Variants in FRYL observed in about 807,000 individuals in gnomAD.
The protein encoded by FRYL is protein furry homolog-like.
Under a neutral mutation model 351.2 loss-of-function variants are expected in FRYL, and 150 were observed. That is an observed-to-expected ratio of 0.43 (90% CI 0.37 to 0.49). FRYL has a LOEUF of 0.49. Ranked by LOEUF, FRYL falls within the 20% of genes least tolerant of loss-of-function variation. The pLI, the probability that FRYL is intolerant of heterozygous loss-of-function variation, is 0.00. For synonymous variants in FRYL, 1,153 were observed against 1,257.1 expected, an observed-to-expected ratio of 0.92 and a Z score of 1.75; for missense variants, 3,036 against 3,619.3, an observed-to-expected ratio of 0.84 and a Z score of 4.13.
At chr4:48,757,816 T>C (rs1773956112) in intron 1 of FRYL, among the ~76,000 whole-genome samples, 2 of 152,128 alleles carry the variant, frequency 1.3e-5, no homozygotes, top group African/African-American at 2.4e-5. Flanking sequence ...GGAGGCATCA[T>C]GCTACCTGAT....
chr4:48,678,463 CGCGCCCCTG>C lies in FRYL; in HGVS notation c.-81+6201_-81+6209del, dbSNP rs1309044402. Among the ~76,000 whole-genome samples, 9 of 141,394 alleles carry C rather than the reference CGCGCCCCTG, an allele frequency of 6.4e-5. No individual in the cohort carries two copies. The East Asian group carries it at 1.9e-3, about 30-fold the overall frequency. 92.8% of individuals were successfully genotyped at this position (141,394 alleles called of 152,430 possible). Reference sequence around the variant, plus strand: ...GGCGGAGGTTGCAGTGAGCCAAGATCGCGCCCCTGCACTCCAGCCTGGCGACAGAGCAAA... The same window carrying C: ...GGCGGAGGTTGCAGTGAGCCAAGATCCACTCCAGCCTGGCGACAGAGCAAA... On this transcript the variant is annotated intron_variant, in intron 3 of 63. Coordinates refer to ENST00000358350, the MANE Select transcript of FRYL (RefSeq NM_015030.2).
chr4:48,542,227 C>T lies in FRYL; in HGVS notation c.5593-106G>A, dbSNP rs909929359. On this transcript the variant is annotated intron_variant, in intron 44 of 63. Transcript: ENST00000358350. ...ATAGAACAAACTCCATGTTATGTTA[C>T]AAAATGATTAAACTCTTGAGCAACA... The T allele has an allele frequency of 5.7e-5, 44 of 766,820 alleles. No individual in the cohort carries two copies. The Admixed American group carries it at 7.0e-4, about 12-fold the overall frequency. 47.5% of individuals were successfully genotyped at this position (766,820 alleles called of 1,614,324 possible).
intron 4 of FRYL, among the ~76,000 whole-genome samples, chr4:48,629,411 C>A (rs979611055): frequency 1.3e-5 from 2 of 152,150 alleles, no homozygotes; most frequent in Non-Finnish European, 2.9e-5. Flanking sequence ...TCTCACCAAA[C>A]AACGGTGACT....
At chr4:48,695,881 C>T (rs1011047696) in intron 2 of FRYL, among the ~76,000 whole-genome samples, 8 of 152,174 alleles carry the variant, frequency 5.3e-5, no homozygotes, top group African/African-American at 1.7e-4. Context: ...TAAATAGACA[C>T]TTCACAAAGG....
At chr4:48,584,213 G>C (rs1032892332) in intron 19 of FRYL, among the ~76,000 whole-genome samples, 1 of 152,214 alleles carries the variant, frequency 6.6e-6, no homozygotes, top group East Asian at 1.9e-4. Flanking sequence ...AAAGACAAAT[G>C]TATCAGAGTT....
chr4:48,693,358 G>A (rs1191902361), intron 2 of FRYL, among the ~76,000 whole-genome samples: 1 of 152,112 alleles, frequency 6.6e-6, no homozygotes, highest in Admixed American at 6.5e-5. Flanking sequence ...AGTATTTACA[G>A]GTGAAATGTT....
intron 43 of FRYL, among the ~76,000 whole-genome samples, chr4:48,544,347 C>T (rs973263498): frequency 8.5e-5 from 13 of 152,118 alleles, no homozygotes; most frequent in African/African-American, 3.1e-4. Context: ...CAACCCATAA[C>T]GGTGACACTG....
chr4:48,625,435 T>C (rs1461142778), intron 4 of FRYL, among the ~76,000 whole-genome samples: 3 of 152,220 alleles, frequency 2.0e-5, no homozygotes, highest in African/African-American at 4.8e-5. Context: ...CCTTGAGTTA[T>C]GCATTCATGG....
chr4:48,628,027 T>G (rs1471691087), intron 4 of FRYL, among the ~76,000 whole-genome samples: 1 of 152,174 alleles, frequency 6.6e-6, no homozygotes, highest in Non-Finnish European at 1.5e-5. Flanking sequence ...CGCCTCAGCC[T>G]CCCAAAGTGC....
chr4:48,507,721 A>ATAGAT (rs1463274897), intron 59 of FRYL, among the ~76,000 whole-genome samples: 1 of 152,118 alleles, frequency 6.6e-6, no homozygotes, highest in Non-Finnish European at 1.5e-5. Flanking sequence ...TAGATGATAG[A>ATAGAT]TAGATAGATA....
At chr4:48,649,674 C>G (rs1254291695) in intron 3 of FRYL, among the ~76,000 whole-genome samples, 8 of 152,156 alleles carry the variant, frequency 5.3e-5, no homozygotes, top group African/African-American at 1.7e-4. Flanking sequence ...ATGCCTAAAA[C>G]TGTTGGCACA....
chr4:48,611,634 C>T (rs949308687), intron 7 of FRYL, among the ~76,000 whole-genome samples: 1 of 151,952 alleles, frequency 6.6e-6, no homozygotes, highest in African/African-American at 2.4e-5. Context: ...CATTGTTCTT[C>T]CATATTCCAT....
chr4:48,623,108 C>A lies in FRYL; in HGVS notation c.174+18G>T, dbSNP rs1475023186. On this transcript the variant is annotated intron_variant, in intron 5 of 63. Coordinates refer to ENST00000358350, the MANE Select transcript of FRYL (RefSeq NM_015030.2). ...ACTATTTCCAGGGGAAAAAAAAATTCTCCCAAAATTGTCATACCTGATCAA... is the reference window on the plus strand; with the variant it reads ...ACTATTTCCAGGGGAAAAAAAAATTATCCCAAAATTGTCATACCTGATCAA... 1.3e-6 allele frequency: 2 copies of A among 1,550,506 alleles called. No individual in the cohort carries two copies. Among genetic ancestry groups the A allele is most frequent in the Admixed American group, 1.9e-5 (1 of 53,760 alleles).
intron 1 of FRYL, among the ~76,000 whole-genome samples, chr4:48,740,685 A>G (rs1771953977): frequency 6.6e-6 from 1 of 152,138 alleles, no homozygotes; most frequent in African/African-American, 2.4e-5. Context: ...ATCAGACACT[A>G]TCAGGGAAAT....
At chr4:48,733,611 G>C (rs1236009010) in intron 1 of FRYL, among the ~76,000 whole-genome samples, 2 of 151,846 alleles carry the variant, frequency 1.3e-5, no homozygotes, top group Non-Finnish European at 2.9e-5. Flanking sequence ...AATAATAATA[G>C]CAACAATGTA....
chr4:48,584,265 C>A (rs1371378743), intron 19 of FRYL, among the ~76,000 whole-genome samples: 1 of 152,090 alleles, frequency 6.6e-6, no homozygotes, highest in Non-Finnish European at 1.5e-5. Context: ...TAATATTAAA[C>A]ACAATTATAT....
chr4:48,665,787 T>G (rs1414720251), intron 3 of FRYL, among the ~76,000 whole-genome samples: 1 of 152,168 alleles, frequency 6.6e-6, no homozygotes, highest in East Asian at 1.9e-4. Context: ...CTACCCAGGG[T>G]GTACGGAGAC....
At chr4:48,499,828 C>T (rs1577790912) in intron 63 of FRYL, 148 bp from the exon 64 acceptor site, 1 of 845,272 alleles carries the variant, frequency 1.2e-6, no homozygotes, top group Non-Finnish European at 1.8e-6. Flanking sequence ...CAAAGTACCA[C>T]CTGAATTCAC....
chr4:48,749,958 C>T (rs369524042), intron 1 of FRYL, among the ~76,000 whole-genome samples: 11 of 152,050 alleles, frequency 7.2e-5, no homozygotes, highest in African/African-American at 2.7e-4. Flanking sequence ...AATAGTGATG[C>T]CCTGTCTTTA....
Sources: allele counts gnomAD v4.1 joint callset (sites outside exome capture counted in the v4.1 genomes callset), GRCh38; gene constraint gnomAD v4.1.1; transcripts MANE v1.5; gene names NCBI Gene and HGNC (gene_info 2026-07-23, HGNC 2026-07-21).